SNX1: variants seen among roughly 807,000 people sequenced by gnomAD.
SNX1 encodes sorting nexin 1.
Under a neutral mutation model 71.8 loss-of-function variants are expected in SNX1, and 36 were observed. The observed-to-expected ratio is 0.50, with a 90% CI of 0.38 to 0.66. SNX1 has a LOEUF of 0.66. Among genes scored for constraint, SNX1 ranks in the 30% least tolerant of loss-of-function variants. The probability of loss-of-function intolerance (pLI) is 0.00; values close to 1 mark genes in which losing one functional copy is unlikely to be tolerated. For synonymous variants in SNX1, 254 were observed against 240.7 expected (o/e 1.06, Z -0.51); for missense variants, 612 against 646.7 (o/e 0.95, Z 0.58).
rs1399075087 is a variant in SNX1 at position 64,127,294 on chromosome 15, A to G, written c.731+42A>G. The G allele has an allele frequency of 2.0e-6, 3 of 1,490,394 alleles. No homozygotes were observed. The African/African-American group carries it at 4.2e-5, about 21-fold the overall frequency. 92.3% of individuals were successfully genotyped at this position (1,490,394 alleles called of 1,614,324 possible). A position where few individuals can be genotyped will look rare whatever the true frequency, so the allele number is the denominator to read the frequency against. ...CATTTTCCTGAATAATGTGAGGACA[A>G]ATGAAAAGCTGAAAAGTGAGTCTAA... On this transcript the variant is annotated intron_variant, in intron 7 of 14. Transcript: ENST00000559844.
chr15:64,112,745 G>C, intron 2 of SNX1, 61 bp downstream of exon 2: 1 of 1,025,830 alleles, frequency 9.7e-7, no homozygotes, highest in Non-Finnish European at 1.4e-6. Context: ...AAGTTGCTGA[G>C]TTAAAGTCAA....
chr15:64,106,914 A>T (rs1385570599), intron 1 of SNX1, among the ~76,000 whole-genome samples: 1 of 152,198 alleles, frequency 6.6e-6, no homozygotes, highest in Non-Finnish European at 1.5e-5. Flanking sequence ...CATTGTTTAA[A>T]CTGTTAAATT....
Position 64,126,145 on chromosome 15 carries a change from CT to C in SNX1, c.580del (p.Tyr194MetfsTer24). ...AAGAAGATTTAGTGACTTTCTGGGTCTTTATGAGAAGCTTTCCGAGAAGCAC... is the reference window on the plus strand; with the variant it reads ...AAGAAGATTTAGTGACTTTCTGGGTCTTATGAGAAGCTTTCCGAGAAGCAC... ...VKRRFSDFLGLYEKLSEKHSQ... is the reference protein window; with the variant it reads ...VKRRFSDFLGXYEKLSEKHSQ... On this transcript the variant is annotated frameshift_variant, in exon 6 of 15. Coordinates refer to ENST00000559844, the MANE Select transcript of SNX1 (RefSeq NM_003099.5). LOFTEE classifies it high-confidence loss of function. 6.2e-7 allele frequency: 1 copy of C among 1,614,076 alleles called. No homozygotes were observed. The highest frequency in any genetic ancestry group is 8.5e-7 in the Non-Finnish European group (1 of 1,179,970).
At chr15:64,108,219 A>G (rs761133661) in intron 1 of SNX1, among the ~76,000 whole-genome samples, 3 of 152,056 alleles carry the variant, frequency 2.0e-5, no homozygotes, top group Non-Finnish European at 4.4e-5. Context: ...TTATAAAGCA[A>G]TGCTTATTTT....
rs538734991 is a variant in SNX1, at chr15:64,115,355, A to G, written c.271+2671A>G. Among the ~76,000 whole-genome samples the G allele has an allele frequency of 3.1e-3, 470 of 152,294 alleles. 4 individuals are homozygous for G. The highest frequency in any genetic ancestry group is 5.5e-3 in the Non-Finnish European group (371 of 68,028). On this transcript the variant is annotated intron_variant, in intron 2 of 14. Coordinates refer to ENST00000559844, the MANE Select transcript of SNX1 (RefSeq NM_003099.5). ...TAGTTTAGGACTTCAGTAGCTTCTCAGTTGTTTTAGGTATTTGACTGTGGA... is the reference window on the plus strand; with the variant it reads ...TAGTTTAGGACTTCAGTAGCTTCTCGGTTGTTTTAGGTATTTGACTGTGGA...
At chr15:64,124,019 TACC>T (rs1430491258) in intron 5 of SNX1, among the ~76,000 whole-genome samples, 1 of 151,810 alleles carries the variant, frequency 6.6e-6, no homozygotes, top group Non-Finnish European at 1.5e-5. Context: ...GCCCTAAACT[TACC>T]ACTAGTCTTA....
In SNX1 at chr15:64,128,882, A is replaced by G. The variant is rs182280833; in HGVS notation, c.808-1034A>G. On this transcript the variant is annotated intron_variant, in intron 8 of 14. Coordinates refer to ENST00000559844, the MANE Select transcript of SNX1 (RefSeq NM_003099.5). ...TAGATCCAGGTAGCACCCCCTCCCC[A>G]GTTATAACAACCACAATCATCTCCA... 1.1e-4 allele frequency among the ~76,000 whole-genome samples: 16 copies of G among 152,072 alleles called. No homozygotes were observed. In the East Asian group the frequency reaches 2.7e-3, roughly 26 times the overall value.
intron 2 of SNX1, among the ~76,000 whole-genome samples, chr15:64,116,120 A>G (rs989447420): frequency 6.6e-6 from 1 of 152,234 alleles, no homozygotes; most frequent in Non-Finnish European, 1.5e-5. Flanking sequence ...TGTCTTTTGT[A>G]TGTTACATGT....
At chr15:64,107,438 C>G (rs2081033714) in intron 1 of SNX1, among the ~76,000 whole-genome samples, 1 of 152,170 alleles carries the variant, frequency 6.6e-6, no homozygotes, top group African/African-American at 2.4e-5. Context: ...TTCGTCAGCT[C>G]TGAGGGGCAG....
In SNX1 at chr15:64,117,562, A is replaced by G. The variant is rs183931065; in HGVS notation, c.272-555A>G. Among the ~76,000 whole-genome samples the G allele has an allele frequency of 3.1e-3, 469 of 152,304 alleles. 3 individuals carry two copies. Among genetic ancestry groups the G allele is most frequent in the Middle Eastern group, 0.014 (4 of 294 alleles). On this transcript the variant is annotated intron_variant, in intron 2 of 14. Transcript: ENST00000559844. ...CATGAGCCGCCACGCCCAGCCTTTT[A>G]CAAACAATTATAACAAGAATAAATA... is the stretch of plus-strand genomic sequence containing the variant.
At chr15:64,100,937 A>G (rs959004208) in intron 1 of SNX1, among the ~76,000 whole-genome samples, 4 of 152,150 alleles carry the variant, frequency 2.6e-5, no homozygotes, top group Non-Finnish European at 5.9e-5. Flanking sequence ...CCTGCGTAGC[A>G]TGTGCCACCA....
At chr15:64,111,059 G>A (rs912174451) in intron 1 of SNX1, among the ~76,000 whole-genome samples, 28 of 152,072 alleles carry the variant, frequency 1.8e-4, no homozygotes, top group Non-Finnish European at 4.0e-4. Flanking sequence ...TCTCTCATAC[G>A]TCTCCATTTG....
In SNX1 at chr15:64,127,714, A is replaced by G; in HGVS notation, c.732-17A>G. The stretch of plus-strand genomic sequence containing the variant: ...AGGCCAGCTCAACTAACCAGATGAT[A>G]ACTGCTTACCTTTTAGGTACCTTCA... On this transcript the variant is annotated splice_polypyrimidine_tract_variant and intron_variant, in intron 7 of 14. Coordinates refer to ENST00000559844, the MANE Select transcript of SNX1 (RefSeq NM_003099.5). 3 of 1,607,616 alleles carry G rather than the reference A, an allele frequency of 1.9e-6. No individual in the cohort carries two copies. The highest frequency in any genetic ancestry group is 2.6e-6 in the Non-Finnish European group (3 of 1,174,072).
intron 1 of SNX1, among the ~76,000 whole-genome samples, chr15:64,105,402 T>C (rs2081010409): frequency 6.6e-6 from 1 of 152,220 alleles, no homozygotes; most frequent in Non-Finnish European, 1.5e-5. Context: ...ATCTCTTCCT[T>C]GGTCCTCAAG....
At chr15:64,123,438 A>G (rs2081215809) in intron 4 of SNX1, 65 bp from the exon 5 acceptor site, 1 of 1,377,888 alleles carries the variant, frequency 7.3e-7, no homozygotes, top group Non-Finnish European at 1.0e-6. Context: ...TCCTGGTCAA[A>G]TGTTAGCTGG....
chr15:64,109,913 T>C (rs2081062069), intron 1 of SNX1, among the ~76,000 whole-genome samples: 1 of 152,224 alleles, frequency 6.6e-6, no homozygotes, highest in Admixed American at 6.5e-5. Context: ...TGTAAATTGT[T>C]GGTCTTCCTG....
At position 64,123,594 on chromosome 15, in the gene SNX1, C is replaced by G; in HGVS notation, c.510+48C>G. ...ATGACCATCTTCATAGACTTTGGTG[C>G]TTATACCAAGGTCATCATTCAGATT... On this transcript the variant is annotated intron_variant, in intron 5 of 14. Transcript: ENST00000559844. 4.1e-6 allele frequency: 6 copies of G among 1,449,474 alleles called. No individual in the cohort carries two copies. The South Asian group carries it at 5.7e-5, about 14-fold the overall frequency. The allele number at this position is 1,449,474 out of a possible 1,614,324, so 89.8% of individuals were successfully genotyped here. A position where few individuals can be genotyped will look rare whatever the true frequency, so the allele number is the denominator to read the frequency against.
At chr15:64,112,721 T>A in intron 2 of SNX1, 37 bp downstream of exon 2, 1 of 1,337,780 alleles carries the variant, frequency 7.5e-7, no homozygotes, top group Non-Finnish European at 1.0e-6. Context: ...AGGAACCTCC[T>A]AAATGGCTTT....
chr15:64,134,377 C>A lies in SNX1; in HGVS notation c.1222-287C>A. The A allele has an allele frequency of 2.6e-6, 1 of 380,734 alleles. No individual in the cohort carries two copies. 23.6% of individuals were successfully genotyped at this position (380,734 alleles called of 1,614,324 possible). A position where few individuals can be genotyped will look rare whatever the true frequency, so the allele number is the denominator to read the frequency against. ...GATCTGAGGGAGGCACTTCTGTAAG[C>A]CATAGTATTGGTCACTGGCATGAGG... On this transcript the variant is annotated intron_variant, in intron 11 of 14. Transcript: ENST00000559844. The surrounding 1 kb of genome is among the most constrained non-coding windows in gnomAD (Gnocchi z 4.1).
Sources: gnomAD v4.1 joint callset for allele counts (sites outside exome capture counted in the v4.1 genomes callset) on GRCh38, gnomAD v4.1.1 for gene constraint, Gnocchi (gnomAD v3.1) non-coding constraint, MANE v1.5 for transcripts, NCBI Gene and HGNC (gene_info 2026-07-23, HGNC 2026-07-21) for gene names.